The following KCNAB2 variants were observed in gnomAD, a reference collection of about 807,000 sequenced individuals.
KCNAB2 encodes voltage-gated potassium channel subunit beta-2.
Under a neutral mutation model 63.6 loss-of-function variants are expected in KCNAB2, and 29 were observed. The observed-to-expected ratio is 0.46, with a 90% CI of 0.34 to 0.62. The LOEUF is 0.62. Ranked by LOEUF, KCNAB2 falls within the 20% of genes least tolerant of loss-of-function variation. The pLI, the probability that KCNAB2 is intolerant of heterozygous loss-of-function variation, is 0.01. For synonymous variants in KCNAB2, 222 were observed against 224.2 expected, an observed-to-expected ratio of 0.99 and a Z score of 0.09; for missense variants, 359 against 563.9, an observed-to-expected ratio of 0.64 and a Z score of 3.68.
rs115784209 is a variant in KCNAB2, at chr1:6,007,049, C to T, written c.-53+14261C>T. 8.5e-3 allele frequency among the ~76,000 whole-genome samples: 1,290 copies of T among 152,274 alleles called. 19 individuals are homozygous for T. Among genetic ancestry groups the T allele is most frequent in the African/African-American group, 0.029 (1,214 of 41,564 alleles). On this transcript the variant is annotated intron_variant, in intron 1 of 16. Coordinates refer to the KCNAB2 transcript ENST00000341524. ...ACTCAGTGTCCAGAGTGTCTCTGCT[C>T]AGGGCTGGCCGAGAGTCAGCGCTTT...
chr1:6,084,233 G>A (rs971268646), intron 5 of KCNAB2, among the ~76,000 whole-genome samples: 10 of 152,244 alleles, frequency 6.6e-5, no homozygotes, highest in African/African-American at 2.4e-4. Context: ...TTAATCCAGT[G>A]CTGCAGTGCC....
At chr1:6,088,852 G>A (rs1664930986) in intron 7 of KCNAB2, among the ~76,000 whole-genome samples, 156 bp from the exon 8 acceptor site, 1 of 149,398 alleles carries the variant, frequency 6.7e-6, no homozygotes, top group Non-Finnish European at 1.5e-5. Context: ...GTTCAGCCCT[G>A]TAGCCTCGGG....
chr1:6,002,827 A>C (rs1222055345), intron 1 of KCNAB2, among the ~76,000 whole-genome samples: 1 of 151,826 alleles, frequency 6.6e-6, no homozygotes, highest in Non-Finnish European at 1.5e-5. Context: ...GCTTCACCCG[A>C]CTCTGGACGA....
chr1:6,093,470 G>A (rs149956567), intron 10 of KCNAB2, among the ~76,000 whole-genome samples: 1 of 152,394 alleles, frequency 6.6e-6, no homozygotes, highest in East Asian at 1.9e-4. Context: ...TCAAAGCCAT[G>A]TTTGAATATT....
At chr1:6,080,479 A>C (rs1214999065) in intron 4 of KCNAB2, among the ~76,000 whole-genome samples, 1 of 152,192 alleles carries the variant, frequency 6.6e-6, no homozygotes, top group Non-Finnish European at 1.5e-5. Context: ...GCAGGAAGAC[A>C]ACAACAGAGC....
intron 2 of KCNAB2, among the ~76,000 whole-genome samples, chr1:6,070,586 A>G (rs1436516072): frequency 6.6e-6 from 1 of 152,182 alleles, no homozygotes; most frequent in East Asian, 1.9e-4. Flanking sequence ...GTTAAAGCTT[A>G]TTTGATTTGT....
chr1:6,065,348 C>G (rs1022548438), intron 2 of KCNAB2, among the ~76,000 whole-genome samples: 1 of 152,234 alleles, frequency 6.6e-6, no homozygotes, highest in African/African-American at 2.4e-5. Flanking sequence ...GCTTGTGCAT[C>G]CTGCTTCATT....
chr1:6,014,882 C>A (rs1465075215), intron 1 of KCNAB2, among the ~76,000 whole-genome samples: 1 of 152,190 alleles, frequency 6.6e-6, no homozygotes, highest in African/African-American at 2.4e-5. Context: ...CTCAGAGTGT[C>A]CCCACAGAAG....
intron 2 of KCNAB2, among the ~76,000 whole-genome samples, chr1:6,066,433 T>C (rs1300961544): frequency 6.6e-6 from 1 of 152,186 alleles, no homozygotes; most frequent in Non-Finnish European, 1.5e-5. Flanking sequence ...GCTTAGTGCT[T>C]GGTAGATGAT....
Position 6,074,985 on chromosome 1 carries a change from T to G in KCNAB2, c.300+1215T>G, listed in dbSNP as rs534017223. Among the ~76,000 whole-genome samples, 1 of 150,836 alleles carries G rather than the reference T, an allele frequency of 6.6e-6. No homozygotes were observed. Among genetic ancestry groups the G allele is most frequent in the African/African-American group, 2.4e-5 (1 of 40,920 alleles). On this transcript the variant is annotated intron_variant, in intron 4 of 15. Transcript: ENST00000378083. The surrounding 1 kb of genome is among the most constrained non-coding windows in gnomAD (Gnocchi z 4.9). ...AAAAAAAAAAGACAATAGCTGGTTA[T>G]AGAATGATTTGCCCCTTGCTTTGAA...
chr1:6,059,216 C>T (rs1042348649), intron 2 of KCNAB2, among the ~76,000 whole-genome samples: 12 of 152,034 alleles, frequency 7.9e-5, no homozygotes, highest in African/African-American at 2.9e-4. Context: ...GTTGAGACAG[C>T]GCCTTGCTCT....
chr1:6,023,586 G>A (rs558619891), intron 1 of KCNAB2, among the ~76,000 whole-genome samples: 1 of 152,154 alleles, frequency 6.6e-6, no homozygotes, highest in Admixed American at 6.5e-5. Context: ...TTAGCCATTT[G>A]TGTCTTGTCT....
At chr1:6,022,256 T>C (rs1658883514) in intron 1 of KCNAB2, among the ~76,000 whole-genome samples, 1 of 151,662 alleles carries the variant, frequency 6.6e-6, no homozygotes, top group South Asian at 2.1e-4. Flanking sequence ...TCAGTGGTAT[T>C]GAGTGTATAG....
chr1:6,008,959 G>A (rs1291346351), intron 1 of KCNAB2, among the ~76,000 whole-genome samples: 2 of 152,240 alleles, frequency 1.3e-5, no homozygotes, highest in African/African-American at 4.8e-5. Context: ...CAGCCTCAGT[G>A]AAAGCTGTAA....
intron 5 of KCNAB2, among the ~76,000 whole-genome samples, chr1:6,084,202 C>T (rs1664450674): frequency 6.6e-6 from 1 of 152,242 alleles, no homozygotes; most frequent in Non-Finnish European, 1.5e-5. Context: ...CATTTTGCTA[C>T]AAGCAGAAAG....
chr1:6,081,793 T>A (rs1392354857), intron 4 of KCNAB2, among the ~76,000 whole-genome samples: 4 of 152,208 alleles, frequency 2.6e-5, no homozygotes, highest in Non-Finnish European at 4.4e-5. Context: ...CGACCTCATC[T>A]TCGCTAATTA....
chr1:6,094,186 C>G (rs780110189), intron 10 of KCNAB2, among the ~76,000 whole-genome samples: 5 of 152,176 alleles, frequency 3.3e-5, no homozygotes, highest in African/African-American at 1.2e-4. Context: ...ATTGTTTTCA[C>G]GACCAACTTC....
chr1:6,010,566 G>A (rs922454730), intron 1 of KCNAB2, among the ~76,000 whole-genome samples: 10 of 152,254 alleles, frequency 6.6e-5, no homozygotes, highest in Admixed American at 5.2e-4. Context: ...AGCTGTGTCT[G>A]GGGATTGAAG....
intron 4 of KCNAB2, 96 bp from the exon 5 acceptor site, chr1:6,082,098 TG>T: frequency 1.9e-6 from 2 of 1,026,974 alleles, no homozygotes; most frequent in Non-Finnish European, 1.5e-6. Flanking sequence ...GGGCAGGGCC[TG>T]GACACGGGGA....
Sources: allele counts gnomAD v4.1 joint callset (sites outside exome capture counted in the v4.1 genomes callset), GRCh38; gene constraint gnomAD v4.1.1; non-coding constraint Gnocchi (gnomAD v3.1); transcripts MANE v1.5; gene names NCBI Gene and HGNC (gene_info 2026-07-23, HGNC 2026-07-21).